TFCP2: variants seen among roughly 807,000 people sequenced by gnomAD.
TFCP2 encodes transcription factor CP2.
Under a neutral mutation model 73.4 loss-of-function variants are expected in TFCP2, and 33 were observed. The observed-to-expected ratio is 0.45, with a 90% confidence interval of 0.34 to 0.60. The LOEUF (loss-of-function observed/expected upper bound fraction) is 0.60, where lower values mean the gene tolerates loss of function less well. Among genes scored for constraint, TFCP2 ranks in the 20% least tolerant of loss-of-function variants. The pLI is 0.01. For synonymous variants in TFCP2, 193 were observed against 211.6 expected, an observed-to-expected ratio of 0.91 and a Z score of 0.76; for missense variants, 352 against 604.0, an observed-to-expected ratio of 0.58 and a Z score of 4.37.
rs1234185238 is a variant in TFCP2, at chr12:51,107,248, G to A, written c.816C>T (p.Thr272=). 1.2e-6 allele frequency: 2 copies of A among 1,600,948 alleles called. No homozygotes were observed. The highest frequency in any genetic ancestry group is 8.5e-7 in the Non-Finnish European group (1 of 1,176,200). The change falls in exon 7 of 15, where the codon ACC becomes ACT. Residue 272 remains threonine, a synonymous_variant. Coordinates refer to ENST00000257915, the MANE Select transcript of TFCP2 (RefSeq NM_005653.5). ...GAAATCTTTTTACCTCTGTGAGTAT[G>A]GTTGTCTCATAGGAAGGCTGATATT... ...KEKYQPSYET[T]ILTECSPWPE...
At chr12:51,099,461 G>A (rs1426426542) in intron 12 of TFCP2, among the ~76,000 whole-genome samples, 194 bp downstream of exon 12, 2 of 140,284 alleles carry the variant, frequency 1.4e-5, no homozygotes, top group South Asian at 2.4e-4. Context: ...CTGGGTAACT[G>A]AGTGAGACTC....
intron 12 of TFCP2, 41 bp downstream of exon 12, chr12:51,099,614 C>G (rs978681655): frequency 1.2e-6 from 2 of 1,603,832 alleles, no homozygotes; most frequent in Admixed American, 1.7e-5. Context: ...TATCTCTTCA[C>G]CTTTCTTCAT....
intron 10 of TFCP2, among the ~76,000 whole-genome samples, chr12:51,102,489 G>A (rs1940134225): frequency 6.6e-6 from 1 of 152,114 alleles, no homozygotes; most frequent in Non-Finnish European, 1.5e-5. Flanking sequence ...ACTTTGGGAT[G>A]TCGAGGAGGG....
chr12:51,105,600 A>T (rs905908606), intron 8 of TFCP2, among the ~76,000 whole-genome samples: 1 of 152,164 alleles, frequency 6.6e-6, no homozygotes, highest in African/African-American at 2.4e-5. Flanking sequence ...TTTTCTTTTA[A>T]AAAAAGATCT....
At chr12:51,113,156 C>T (rs1012708552) in intron 4 of TFCP2, among the ~76,000 whole-genome samples, 1 of 152,148 alleles carries the variant, frequency 6.6e-6, no homozygotes, top group Non-Finnish European at 1.5e-5. Context: ...GTGGGTCCCA[C>T]TCCACAATAT....
chr12:51,139,078 T>C lies in TFCP2; in HGVS notation c.123-20306A>G, dbSNP rs187010456. Among the ~76,000 whole-genome samples the C allele has an allele frequency of 1.3e-3, 205 of 152,248 alleles. 1 individual carries two copies. The highest frequency in any genetic ancestry group is 2.3e-3 in the Non-Finnish European group (156 of 68,008). On this transcript the variant is annotated intron_variant, in intron 1 of 14. Transcript: ENST00000257915. ...TGTCTTTTATAGACAGAGAGTAAAT[T>C]TGTATTTCTAAGGATATGCAGAGCA...
chr12:51,152,006 C>A (rs963500381), intron 1 of TFCP2, among the ~76,000 whole-genome samples: 4 of 152,148 alleles, frequency 2.6e-5, no homozygotes, highest in Middle Eastern at 3.2e-3. Flanking sequence ...GGGCAAGAAT[C>A]ATCTGAATGC....
At chr12:51,120,545 G>A (rs1174875064) in intron 1 of TFCP2, among the ~76,000 whole-genome samples, 2 of 151,978 alleles carry the variant, frequency 1.3e-5, no homozygotes, top group South Asian at 2.1e-4. Context: ...GGTTGTAACT[G>A]TAACAGCTTA....
intron 1 of TFCP2, among the ~76,000 whole-genome samples, chr12:51,171,870 A>G (rs1250201334): frequency 2.0e-5 from 3 of 152,222 alleles, no homozygotes; most frequent in Non-Finnish European, 2.9e-5. Context: ...AAGGACTTCC[A>G]TATCTTTCCA....
chr12:51,096,364 C>T (rs1939965653), intron 13 of TFCP2, among the ~76,000 whole-genome samples: 1 of 152,192 alleles, frequency 6.6e-6, no homozygotes, highest in African/African-American at 2.4e-5. Flanking sequence ...GTCTTCAACT[C>T]CCATATGTGC....
chr12:51,109,934 G>C (rs1048383093), intron 5 of TFCP2, among the ~76,000 whole-genome samples: 3 of 152,012 alleles, frequency 2.0e-5, no homozygotes, highest in Admixed American at 2.0e-4. Flanking sequence ...GGCCAGGCTG[G>C]TCTCGAACTC....
intron 1 of TFCP2, among the ~76,000 whole-genome samples, chr12:51,152,125 T>C (rs570264277): frequency 5.9e-5 from 9 of 152,176 alleles, no homozygotes; most frequent in Non-Finnish European, 8.8e-5. Flanking sequence ...TGGAGAAAAC[T>C]GGACCCTACC....
chr12:51,142,578 C>A (rs1941216848), intron 1 of TFCP2, among the ~76,000 whole-genome samples: 1 of 152,094 alleles, frequency 6.6e-6, no homozygotes, highest in Non-Finnish European at 1.5e-5. Context: ...GACTTGGATC[C>A]CATCCCTTCT....
chr12:51,164,598 A>G (rs919063562), intron 1 of TFCP2, among the ~76,000 whole-genome samples: 21 of 96,962 alleles, frequency 2.2e-4, no homozygotes, highest in East Asian at 1.3e-3. Context: ...CTCCATCTCG[A>G]AAAAAAAAAA....
chr12:51,132,357 C>CTTTTTTA (rs1940963031), intron 1 of TFCP2, among the ~76,000 whole-genome samples: 2 of 61,766 alleles, frequency 3.2e-5, no homozygotes, highest in African/African-American at 1.2e-4. Context: ...AGGGATTAGT[C>CTTTTTTA]TTTTTTTTTT....
rs575958282 is a variant in TFCP2 at position 51,121,636 on chromosome 12, T to G, written c.123-2864A>C. ...ACACGCCACCACACCCGACTAACTT[T>G]TGTATTTTTAGTAGAGACGAGGTCT... On this transcript the variant is annotated intron_variant, in intron 1 of 14. Coordinates refer to ENST00000257915, the MANE Select transcript of TFCP2 (RefSeq NM_005653.5). Among the ~76,000 whole-genome samples the G allele has an allele frequency of 4.6e-5, 7 of 151,556 alleles. No homozygotes were observed. In the South Asian group the frequency reaches 1.5e-3, roughly 32 times the overall value.
chr12:51,155,999 A>G (rs545354852), intron 1 of TFCP2, among the ~76,000 whole-genome samples: 1 of 150,914 alleles, frequency 6.6e-6, no homozygotes. Flanking sequence ...CCAAGATTGC[A>G]CCACTGCACT....
At chr12:51,158,636 G>A (rs904262618) in intron 1 of TFCP2, among the ~76,000 whole-genome samples, 6 of 149,880 alleles carry the variant, frequency 4.0e-5, no homozygotes, top group African/African-American at 1.5e-4. Flanking sequence ...CTACAGGCAT[G>A]AGCCACCATG....
intron 1 of TFCP2, among the ~76,000 whole-genome samples, chr12:51,139,974 A>G (rs1000610922): frequency 6.6e-6 from 1 of 152,218 alleles, no homozygotes; most frequent in African/African-American, 2.4e-5. Flanking sequence ...TTCATTCAAT[A>G]AATACATTAT....
Sources: allele counts gnomAD v4.1 joint callset (sites outside exome capture counted in the v4.1 genomes callset), GRCh38; gene constraint gnomAD v4.1.1; transcripts MANE v1.5; gene names NCBI Gene and HGNC (gene_info 2026-07-23, HGNC 2026-07-21).